CNTNAP2: variants seen among roughly 807,000 people sequenced by gnomAD.
CNTNAP2 encodes contactin-associated protein-like 2.
In CNTNAP2, 98 loss-of-function variants were observed where a neutral mutation model predicts 155.2. The observed-to-expected ratio is 0.63, with a 90% confidence interval of 0.54 to 0.75. The LOEUF (loss-of-function observed/expected upper bound fraction) is 0.75, where lower values mean the gene tolerates loss of function less well. Ranked by LOEUF, CNTNAP2 falls within the 30% of genes least tolerant of loss-of-function variation. CNTNAP2 has a pLI of 0.00. For synonymous variants in CNTNAP2, 651 were observed against 631.2 expected (o/e 1.03, Z -0.47); for missense variants, 1,727 against 1,688.1 (o/e 1.02, Z -0.40).
At chr7:148,241,177 G>C (rs1237088185) in intron 20 of CNTNAP2, among the ~76,000 whole-genome samples, 1 of 152,158 alleles carries the variant, frequency 6.6e-6, no homozygotes, top group Non-Finnish European at 1.5e-5. Flanking sequence ...ATTGGAGTAA[G>C]TCCATCTTTT....
At chr7:147,577,799 C>T (rs1232840202) in intron 12 of CNTNAP2, among the ~76,000 whole-genome samples, 3 of 151,896 alleles carry the variant, frequency 2.0e-5, no homozygotes, top group Non-Finnish European at 4.4e-5. Context: ...GCAAGAAAGG[C>T]TCACCCCCTC....
intron 1 of CNTNAP2, among the ~76,000 whole-genome samples, chr7:146,480,502 T>C (rs1796943114): frequency 6.6e-6 from 1 of 151,780 alleles, no homozygotes; most frequent in South Asian, 2.1e-4. Context: ...ATAATATTAA[T>C]ATTTTATGGT....
At position 146,567,845 on chromosome 7, in the gene CNTNAP2, T is replaced by C. The variant is rs374665993; in HGVS notation, c.98-206426T>C. 4.7e-3 allele frequency among the ~76,000 whole-genome samples: 708 copies of C among 152,202 alleles called. 4 individuals are homozygous for C. Among genetic ancestry groups the C allele is most frequent in the African/African-American group, 0.016 (661 of 41,534 alleles). ...AGGCCATTCTCCTGCCTCAGCCTCC[T>C]GAGTAGCTGGGACTACAGGCGCCCG... On this transcript the variant is annotated intron_variant, in intron 1 of 23. Coordinates refer to ENST00000361727, the MANE Select transcript of CNTNAP2 (RefSeq NM_014141.6).
chr7:147,416,147 C>T (rs992993448), intron 10 of CNTNAP2, among the ~76,000 whole-genome samples: 3 of 152,140 alleles, frequency 2.0e-5, no homozygotes, highest in African/African-American at 2.4e-5. Flanking sequence ...TATTTCTTTC[C>T]ATCAGCCTCT....
intron 8 of CNTNAP2, among the ~76,000 whole-genome samples, chr7:147,142,675 C>A (rs1434155858): frequency 1.3e-5 from 2 of 152,072 alleles, no homozygotes; most frequent in East Asian, 3.9e-4. Flanking sequence ...ATGGGTGCAG[C>A]ACACCAACAT....
intron 15 of CNTNAP2, among the ~76,000 whole-genome samples, chr7:148,063,585 A>AT (rs1563186341): frequency 8.0e-5 from 11 of 137,406 alleles, no homozygotes; most frequent in African/African-American, 2.5e-4. Context: ...TTCTTTTTTT[A>AT]ATTTTTTTTT....
chr7:147,743,231 C>A (rs148561257), intron 13 of CNTNAP2, among the ~76,000 whole-genome samples: 6 of 152,126 alleles, frequency 3.9e-5, no homozygotes, highest in Non-Finnish European at 7.4e-5. Flanking sequence ...ATGATTGCAT[C>A]GTAGTTACAC....
intron 23 of CNTNAP2, among the ~76,000 whole-genome samples, chr7:148,414,475 TAATA>T (rs1215550405): frequency 6.7e-6 from 1 of 148,834 alleles, no homozygotes; most frequent in Non-Finnish European, 1.5e-5. Context: ...TGCAGGTTTC[TAATA>T]GCTATTGTAC....
At chr7:147,400,462 G>A (rs1359790676) in intron 10 of CNTNAP2, among the ~76,000 whole-genome samples, 3 of 152,126 alleles carry the variant, frequency 2.0e-5, no homozygotes, top group South Asian at 2.1e-4. Flanking sequence ...TTAGGAAGAA[G>A]CTGATGTTAA....
intron 12 of CNTNAP2, among the ~76,000 whole-genome samples, chr7:147,612,289 C>T (rs932522314): frequency 1.3e-5 from 2 of 151,964 alleles, no homozygotes; most frequent in Non-Finnish European, 2.9e-5. Flanking sequence ...ATAAAGTTTA[C>T]CTGAAATAAG....
At chr7:146,228,820 A>T (rs996499519) in intron 1 of CNTNAP2, among the ~76,000 whole-genome samples, 1 of 152,210 alleles carries the variant, frequency 6.6e-6, no homozygotes, top group Non-Finnish European at 1.5e-5. Context: ...GACAAATTTT[A>T]TTCATAATAT....
At chr7:147,058,979 C>T (rs144050297) in intron 4 of CNTNAP2, among the ~76,000 whole-genome samples, 1 of 152,248 alleles carries the variant, frequency 6.6e-6, no homozygotes, top group East Asian at 1.9e-4. Context: ...CTTTTAATAA[C>T]ACCTTCATTG....
At chr7:147,228,841 G>T (rs1457644521) in intron 8 of CNTNAP2, among the ~76,000 whole-genome samples, 1 of 151,172 alleles carries the variant, frequency 6.6e-6, no homozygotes, top group South Asian at 2.1e-4. Context: ...GGAGTGTGAT[G>T]GTCCCCTCCC....
At chr7:147,462,472 C>A (rs548992616) in intron 10 of CNTNAP2, among the ~76,000 whole-genome samples, 3 of 152,282 alleles carry the variant, frequency 2.0e-5, no homozygotes, top group Admixed American at 2.0e-4. Context: ...TTAACGTTAG[C>A]CAATTTACTT....
intron 10 of CNTNAP2, among the ~76,000 whole-genome samples, chr7:147,429,435 GT>G (rs1219622778): frequency 1.3e-5 from 2 of 151,732 alleles, no homozygotes; most frequent in African/African-American, 4.8e-5. Flanking sequence ...GAGATTATTT[GT>G]TTTTTTCTTG....
chr7:147,510,577 A>G (rs1307452409), intron 11 of CNTNAP2, among the ~76,000 whole-genome samples: 1 of 151,970 alleles, frequency 6.6e-6, no homozygotes, highest in Non-Finnish European at 1.5e-5. Flanking sequence ...GGTTCCAAAA[A>G]AAAAAAATTC....
chr7:146,453,575 A>G (rs968906803), intron 1 of CNTNAP2, among the ~76,000 whole-genome samples: 1 of 152,182 alleles, frequency 6.6e-6, no homozygotes, highest in East Asian at 1.9e-4. Context: ...ATAACCTAGA[A>G]TGAGGAGAAA....
intron 1 of CNTNAP2, among the ~76,000 whole-genome samples, chr7:146,715,185 C>T (rs1801165407): frequency 6.6e-6 from 1 of 151,966 alleles, no homozygotes; most frequent in East Asian, 1.9e-4. Context: ...ACAAAAATTA[C>T]CCGGTTGTGG....
chr7:148,183,397 A>G (rs1795069316), intron 18 of CNTNAP2, among the ~76,000 whole-genome samples: 1 of 152,194 alleles, frequency 6.6e-6, no homozygotes, highest in South Asian at 2.1e-4. Context: ...TCTAAAGACA[A>G]AAGTTTTAAA....
Sources: gnomAD v4.1 joint callset for allele counts (sites outside exome capture counted in the v4.1 genomes callset) on GRCh38, gnomAD v4.1.1 for gene constraint, MANE v1.5 for transcripts, NCBI Gene and HGNC (gene_info 2026-07-23, HGNC 2026-07-21) for gene names.